The following DDX27 variants were observed in gnomAD, a reference collection of about 807,000 sequenced individuals.
DDX27 encodes the protein probable ATP-dependent RNA helicase DDX27.
DDX27 carries 42 observed loss-of-function variants against 99.3 expected under a neutral mutation model. The observed-to-expected ratio is 0.42, with a 90% CI of 0.33 to 0.55. The LOEUF is 0.55. Among genes scored for constraint, DDX27 ranks in the 20% least tolerant of loss-of-function variants. The pLI is 0.07. For synonymous variants in DDX27, 329 were observed against 353.8 expected (o/e 0.93, Z 0.79); for missense variants, 798 against 976.8 (o/e 0.82, Z 2.44).
At chr20:49,226,344 C>A in intron 6 of DDX27, 86 bp from the exon 7 acceptor site, 2 of 942,592 alleles carry the variant, frequency 2.1e-6, no homozygotes, top group Non-Finnish European at 3.2e-6. Context: ...TGGTGTGGTC[C>A]CCACTTGTCT....
chr20:49,243,944 C>T lies in DDX27; in HGVS notation c.*110C>T. 2.3e-6 allele frequency: 3 copies of T among 1,312,308 alleles called. No homozygotes were observed. The highest frequency in any genetic ancestry group is 2.6e-5 in the South Asian group (2 of 76,120). The allele number at this position is 1,312,308 out of a possible 1,614,324, so 81.3% of individuals were successfully genotyped here. A position where few individuals can be genotyped will look rare whatever the true frequency, so the allele number is the denominator to read the frequency against. ...CATTTGTTTAAAAAAAAAACAAAAA[C>T]AAAAAACAACACTTTGGTGTGGTGG... On this transcript the variant is annotated 3_prime_UTR_variant, in exon 21 of 21. Coordinates refer to ENST00000618172, the MANE Select transcript of DDX27 (RefSeq NM_017895.8).
At chr20:49,221,335 G>T in intron 1 of DDX27, 117 bp from the exon 2 acceptor site, 3 of 1,147,384 alleles carry the variant, frequency 2.6e-6, no homozygotes, top group Non-Finnish European at 3.8e-6. Context: ...TTGTCTGCGT[G>T]CCTTCGCCTC....
chr20:49,230,252 C>T lies in DDX27; in HGVS notation c.934C>T (p.Leu312Phe), dbSNP rs868279373. 1.4e-5 allele frequency: 22 copies of T among 1,613,316 alleles called. No homozygotes were observed. The highest frequency in any genetic ancestry group is 2.7e-5 in the African/African-American group (2 of 74,932). ...AGCTCTTCGGGCAGCGCCTGACATC[C>T]TCATCGCCACCCCAGGCCGGCTCAT... ...EAALRAAPDI[L>F]IATPGRLIDH... is the part of the protein sequence containing the mutation. The change falls in exon 9 of 21, where the codon CTC (leucine) becomes TTC (phenylalanine). Residue 312 changes from leucine to phenylalanine, a missense_variant. This residue lies in a region of DDX27 where 553 missense variants were observed against 727.9 expected (regional missense o/e 0.76). Transcript: ENST00000618172.
At chr20:49,225,410 T>G (rs1471882324) in intron 6 of DDX27, among the ~76,000 whole-genome samples, 1 of 151,894 alleles carries the variant, frequency 6.6e-6, no homozygotes, top group African/African-American at 2.4e-5. Flanking sequence ...GCTTCTCTCT[T>G]TGCCTCCCTC....
At position 49,228,737 on chromosome 20, in the gene DDX27, G is replaced by T. The variant is rs1449163335; in HGVS notation, c.729G>T (p.Leu243=). Residue 243 remains leucine, a synonymous_variant, in exon 8 of 21, where the codon CTG becomes CTT. Transcript: ENST00000618172. The part of the protein sequence containing the change: ...TGTGKTAAFA[L]PVLERLIYKP... The stretch of plus-strand genomic sequence containing the variant: ...CAGGTAAAACTGCCGCCTTTGCCCT[G>T]CCTGTTTTGGAGCGTCTGATTTATA... The T allele has an allele frequency of 6.2e-6, 10 of 1,607,842 alleles. No individual in the cohort carries two copies. Among genetic ancestry groups the T allele is most frequent in the Admixed American group, 1.7e-5 (1 of 59,698 alleles).
intron 2 of DDX27, among the ~76,000 whole-genome samples, chr20:49,222,366 A>G (rs1295664495): frequency 2.0e-5 from 3 of 151,652 alleles, no homozygotes; most frequent in African/African-American, 4.8e-5. Flanking sequence ...CCGGAGTGCA[A>G]TGGTACCATC....
intron 9 of DDX27, among the ~76,000 whole-genome samples, chr20:49,231,666 C>G (rs1980116042): frequency 6.6e-6 from 1 of 152,122 alleles, no homozygotes; most frequent in African/African-American, 2.4e-5. Context: ...AAAGAGGATC[C>G]TTTACAGTGG....
chr20:49,227,607 T>TA (rs1600967472), intron 7 of DDX27, among the ~76,000 whole-genome samples: 2 of 152,056 alleles, frequency 1.3e-5, no homozygotes, highest in East Asian at 3.9e-4. Context: ...CCTCAAGTGA[T>TA]ACACCTGCCT....
chr20:49,220,363 C>G (rs141208578), intron 1 of DDX27, among the ~76,000 whole-genome samples: 2 of 152,324 alleles, frequency 1.3e-5, no homozygotes, highest in Non-Finnish European at 2.9e-5. Context: ...CTACTGCTGT[C>G]TCATGCTTGC....
At chr20:49,243,792 G>A in intron 20 of DDX27, 24 bp from the exon 21 acceptor site, 1 of 1,614,142 alleles carries the variant, frequency 6.2e-7, no homozygotes, top group Non-Finnish European at 8.5e-7. Context: ...CCTCATTCTG[G>A]TCTTAACTCT....
rs913494599 is a variant in DDX27 at position 49,236,873 on chromosome 20, T to A, written c.1687+363T>A. Among the ~76,000 whole-genome samples the A allele has an allele frequency of 9.2e-5, 14 of 152,160 alleles. No homozygotes were observed. Among genetic ancestry groups the A allele is most frequent in the Non-Finnish European group, 2.9e-5 (2 of 68,032 alleles). On this transcript the variant is annotated intron_variant, in intron 14 of 20. Transcript: ENST00000618172. This position sits in a 1 kb window ranked among gnomAD's most constrained non-coding sequence, Gnocchi z 4.1. ...TTTCATTGATTTTGTTCCTCTGATC[T>A]GTGGGGGTCTTATAAAGCACATCCT... is the stretch of plus-strand genomic sequence containing the variant.
chr20:49,227,038 A>G (rs1285923626), intron 7 of DDX27, among the ~76,000 whole-genome samples: 2 of 148,778 alleles, frequency 1.3e-5, no homozygotes, highest in African/African-American at 2.5e-5. Flanking sequence ...AATTTTTTGT[A>G]TTTTTAGTAG....
intron 1 of DDX27, 98 bp from the exon 2 acceptor site, chr20:49,221,354 C>A: frequency 6.9e-7 from 1 of 1,444,644 alleles, no homozygotes; most frequent in Non-Finnish European, 9.5e-7. Context: ...TCCTAAAGTG[C>A]TGGGATTACA....
intron 4 of DDX27, among the ~76,000 whole-genome samples, chr20:49,224,598 G>T (rs908000460): frequency 1.3e-5 from 2 of 152,190 alleles, no homozygotes; most frequent in East Asian, 3.9e-4. Flanking sequence ...CCTGACCTCA[G>T]GTGATCCACC....
chr20:49,224,362 C>CTTTT (rs10654735), intron 4 of DDX27, among the ~76,000 whole-genome samples: 5 of 140,860 alleles, frequency 3.5e-5, no homozygotes, highest in East Asian at 2.0e-4. Flanking sequence ...GTATTTCTTT[C>CTTTT]TTTCTTTTTT....
At chr20:49,243,577 C>T (rs1980551169) in intron 19 of DDX27, 52 bp from the exon 20 acceptor site, 2 of 1,546,640 alleles carry the variant, frequency 1.3e-6, no homozygotes, top group East Asian at 2.2e-5. Context: ...GGTGAGACAA[C>T]ACCCATTTGT....
At position 49,224,585 on chromosome 20, in the gene DDX27, A is replaced by G. The variant is rs143385574; in HGVS notation, c.467-360A>G. Among the ~76,000 whole-genome samples, 1,123 of 152,148 alleles carry G rather than the reference A, an allele frequency of 7.4e-3. 9 individuals are homozygous for G. The highest frequency in any genetic ancestry group is 0.011 in the Non-Finnish European group (765 of 67,994). On this transcript the variant is annotated intron_variant, in intron 4 of 20. Transcript: ENST00000618172. ...ACCATGTTGGACAGGCTGGTCCCGA[A>G]CTCCTGACCTCAGGTGATCCACCTG...
At chr20:49,224,436 C>G (rs2146707002) in intron 4 of DDX27, among the ~76,000 whole-genome samples, 1 of 148,208 alleles carries the variant, frequency 6.7e-6, no homozygotes, top group South Asian at 2.1e-4. Flanking sequence ...AATTTCAGCT[C>G]ACTGCAACCT....
chr20:49,236,369 T>C lies in DDX27; in HGVS notation c.1546T>C (p.Tyr516His). The change falls in exon 14 of 21, where the codon TAT (tyrosine) becomes CAT (histidine). Residue 516 changes from tyrosine to histidine, a missense_variant. By Grantham distance (83) the Tyr-to-His change is moderately conservative (BLOSUM62 2). Coordinates refer to ENST00000618172, the MANE Select transcript of DDX27 (RefSeq NM_017895.8). The surrounding 1 kb of genome is among the most constrained non-coding windows in gnomAD (Gnocchi z 4.1). The stretch of plus-strand genomic sequence containing the variant: ...CACAATGCCTAATACCATCAAACAT[T>C]ATGTCCACCGGGTGGGGCGAACAGC... ...NFTMPNTIKH[Y>H]VHRVGRTARA... The C allele has an allele frequency of 6.2e-7, 1 of 1,606,110 alleles. No homozygotes were observed.
Sources: allele counts gnomAD v4.1 joint callset (sites outside exome capture counted in the v4.1 genomes callset), GRCh38; gene constraint gnomAD v4.1.1; regional missense constraint gnomAD v4.1.1; non-coding constraint Gnocchi (gnomAD v3.1); transcripts MANE v1.5; gene names NCBI Gene and HGNC (gene_info 2026-07-23, HGNC 2026-07-21).